SNRPN: variants seen among roughly 807,000 people sequenced by gnomAD.
SNRPN encodes small nuclear ribonucleoprotein-associated protein N.
Under a neutral mutation model 25.2 loss-of-function variants are expected in SNRPN, and 7 were observed. The observed-to-expected ratio is 0.28, with a 90% CI of 0.16 to 0.52. The LOEUF is 0.52. Ranked by LOEUF, SNRPN falls within the 20% of genes least tolerant of loss-of-function variation. The probability of loss-of-function intolerance (pLI) is 0.96; values close to 1 mark genes in which losing one functional copy is unlikely to be tolerated. For synonymous variants in SNRPN, 124 were observed against 110.6 expected, an observed-to-expected ratio of 1.12 and a Z score of -0.76; for missense variants, 196 against 322.5, an observed-to-expected ratio of 0.61 and a Z score of 3.00.
At position 24,871,926 on chromosome 15, in the gene SNRPN, C is replaced by T. The variant is rs778981413; in HGVS notation, c.-578-14590C>T. On this transcript the variant is annotated intron_variant, in intron 1 of 11. Transcript: ENST00000400097. Reference sequence around the variant, plus strand: ...TTCACCATGTTAGCCAGGATGGTCTCGATCTCCTGACTTCATGATTCGCCC... The same window carrying T: ...TTCACCATGTTAGCCAGGATGGTCTTGATCTCCTGACTTCATGATTCGCCC... Among the ~76,000 whole-genome samples, 10 of 118,954 alleles carry T rather than the reference C, an allele frequency of 8.4e-5. 1 individual carries two copies. The highest frequency in any genetic ancestry group is 2.0e-4 in the African/African-American group (7 of 34,832). The allele number at this position is 118,954 out of a possible 152,430, so 78.0% of individuals were successfully genotyped here.
intron 1 of SNRPN, among the ~76,000 whole-genome samples, chr15:24,883,420 TG>T (rs1486779337): frequency 2.0e-5 from 3 of 152,176 alleles, no homozygotes; most frequent in Non-Finnish European, 2.9e-5. Flanking sequence ...GGGCTGAAGC[TG>T]GGCACACCCA....
chr15:24,871,058 T>C (rs2055068932), intron 1 of SNRPN, among the ~76,000 whole-genome samples: 1 of 151,802 alleles, frequency 6.6e-6, no homozygotes, highest in South Asian at 2.1e-4. Flanking sequence ...TTATTTGGTA[T>C]TTTTAGCAGA....
intron 2 of SNRPN, among the ~76,000 whole-genome samples, chr15:24,845,100 G>T (rs558809814): frequency 1.3e-5 from 2 of 152,120 alleles, no homozygotes; most frequent in East Asian, 1.9e-4. Context: ...TTGAATTTCC[G>T]TGGCACATGA....
chr15:24,848,379 G>T (rs909374718), intron 2 of SNRPN: 2 of 152,386 alleles, frequency 1.3e-5, no homozygotes, highest in Non-Finnish European at 2.9e-5. Context: ...TATGGCGCCC[G>T]CTGGGAGTGT....
chr15:24,893,147 G>T (rs2150759221), intron 2 of SNRPN, among the ~76,000 whole-genome samples: 1 of 152,300 alleles, frequency 6.6e-6, no homozygotes, highest in East Asian at 1.9e-4. Flanking sequence ...GGCAGAGGTT[G>T]CAGTGAGCCG....
intron 1 of SNRPN, among the ~76,000 whole-genome samples, chr15:24,878,415 C>A (rs540033353): frequency 4.6e-5 from 7 of 152,358 alleles, no homozygotes; most frequent in Admixed American, 3.3e-4. Context: ...AGGGGCCGAT[C>A]TTCGGCGCGC....
chr15:24,836,627 G>A (rs541709805), intron 2 of SNRPN, among the ~76,000 whole-genome samples: 1 of 152,150 alleles, frequency 6.6e-6, no homozygotes, highest in South Asian at 2.1e-4. Context: ...TGGCCAGGCT[G>A]GTCTCAAACT....
intron 1 of SNRPN, among the ~76,000 whole-genome samples, chr15:24,861,907 T>G (rs903493808): frequency 7.0e-6 from 1 of 143,622 alleles, no homozygotes; most frequent in African/African-American, 2.9e-5. Flanking sequence ...TAAACCAGAC[T>G]TTAATGCAGA....
intron 1 of SNRPN, among the ~76,000 whole-genome samples, chr15:24,870,228 C>A (rs1208571455): frequency 6.6e-6 from 1 of 152,094 alleles, no homozygotes; most frequent in Non-Finnish European, 1.5e-5. Context: ...GTCCTAGTTT[C>A]TTTTATTGGA....
chr15:24,966,630 C>T (rs1443686597), intron 2 of SNRPN, among the ~76,000 whole-genome samples: 1 of 152,088 alleles, frequency 6.6e-6, no homozygotes, highest in Non-Finnish European at 1.5e-5. Context: ...ATCCTAGGGA[C>T]CCACCTTGAG....
At chr15:24,943,951 A>G (rs2061725301) in intron 3 of SNRPN, among the ~76,000 whole-genome samples, 1 of 151,994 alleles carries the variant, frequency 6.6e-6, no homozygotes, top group African/African-American at 2.4e-5. Context: ...CCTCCTGAGT[A>G]GCTGGGATTA....
chr15:24,933,462 G>C lies in SNRPN; in HGVS notation c.-391+13338G>C, dbSNP rs541829353. On this transcript the variant is annotated intron_variant, in intron 3 of 11. Coordinates refer to the SNRPN transcript ENST00000400097. ...GGGATTCTTGGGGAAAACGGTGGTT[G>C]AGTTGGGGTTCAGAGGCAAGCCCCT... 3.3e-5 allele frequency among the ~76,000 whole-genome samples: 5 copies of C among 152,192 alleles called. No individual in the cohort carries two copies. In the East Asian group the frequency reaches 9.7e-4, roughly 30 times the overall value.
intron 2 of SNRPN, chr15:24,909,598 G>T: frequency 8.0e-7 from 1 of 1,245,470 alleles, no homozygotes; most frequent in Non-Finnish European, 1.2e-6. Flanking sequence ...ATGCTGTGCA[G>T]ACTATCATAT....
chr15:24,860,720 A>T (rs1444770408), intron 1 of SNRPN, among the ~76,000 whole-genome samples: 4 of 152,228 alleles, frequency 2.6e-5, no homozygotes, highest in African/African-American at 9.6e-5. Context: ...AATTTATTGA[A>T]TACTGTACTG....
intron 2 of SNRPN, among the ~76,000 whole-genome samples, chr15:24,887,435 A>T (rs1188568974): frequency 6.7e-6 from 1 of 148,860 alleles, no homozygotes; most frequent in Admixed American, 6.7e-5. Context: ...AGCATGAGCC[A>T]TCGCACCTGG....
At chr15:24,865,780 T>C (rs1014199565) in intron 1 of SNRPN, among the ~76,000 whole-genome samples, 8 of 152,124 alleles carry the variant, frequency 5.3e-5, no homozygotes, top group African/African-American at 1.7e-4. Context: ...TCTTATGATC[T>C]CTATTTTAAT....
chr15:24,941,012 C>T (rs1209456396), intron 3 of SNRPN, among the ~76,000 whole-genome samples: 1 of 152,158 alleles, frequency 6.6e-6, no homozygotes, highest in Non-Finnish European at 1.5e-5. Flanking sequence ...GACAGAGTCT[C>T]ACAGCCCAGG....
intron 2 of SNRPN, among the ~76,000 whole-genome samples, chr15:24,967,730 C>T (rs977744207): frequency 6.7e-6 from 1 of 149,798 alleles, no homozygotes; most frequent in Non-Finnish European, 1.5e-5. Context: ...ATCACTTGAA[C>T]CCCGAAGGCA....
In SNRPN at chr15:24,872,326, C is replaced by G. The variant is rs534865002; in HGVS notation, c.-578-14190C>G. On this transcript the variant is annotated intron_variant, in intron 1 of 11. Coordinates refer to the SNRPN transcript ENST00000400097. Reference sequence around the variant, plus strand: ...AGGATTACAGGTGCCTGCCACCACACTAGGCTAATTTTGTATTTTTAGTAG... The same window carrying G: ...AGGATTACAGGTGCCTGCCACCACAGTAGGCTAATTTTGTATTTTTAGTAG... Among the ~76,000 whole-genome samples, 5 of 117,810 alleles carry G rather than the reference C, an allele frequency of 4.2e-5. 2 individuals carry two copies. The highest frequency in any genetic ancestry group is 8.6e-5 in the African/African-American group (3 of 34,986). The allele number at this position is 117,810 out of a possible 152,430, so 77.3% of individuals were successfully genotyped here.
Sources: gnomAD v4.1 joint callset for allele counts (sites outside exome capture counted in the v4.1 genomes callset) on GRCh38, gnomAD v4.1.1 for gene constraint, MANE v1.5 for transcripts, NCBI Gene and HGNC (gene_info 2026-07-23, HGNC 2026-07-21) for gene names.